The following ATRNL1 variants were observed in gnomAD, a reference collection of about 807,000 sequenced individuals.
The protein encoded by ATRNL1 is attractin-like protein 1.
Under a neutral mutation model 182.7 loss-of-function variants are expected in ATRNL1, and 95 were observed. That is an observed-to-expected ratio of 0.52 (90% confidence interval 0.44 to 0.62). ATRNL1 has a LOEUF of 0.62. ATRNL1 is among the 20% of genes least tolerant of loss of function. The pLI is 0.00. For missense variants in ATRNL1, 1,471 were observed against 1,679.5 expected (o/e 0.88, Z 2.17); for synonymous variants, 576 against 568.3 (o/e 1.01, Z -0.19).
At chr10:115,723,866 A>G in intron 26 of ATRNL1, among the ~76,000 whole-genome samples, 1 of 152,106 alleles carries the variant, frequency 6.6e-6, no homozygotes, top group East Asian at 1.9e-4. Context: ...TTTTCATATC[A>G]TTTTTAATTC....
intron 15 of ATRNL1, among the ~76,000 whole-genome samples, chr10:115,298,227 A>G (rs1481570119): frequency 6.6e-6 from 1 of 152,150 alleles, no homozygotes; most frequent in Non-Finnish European, 1.5e-5. Context: ...CTTTATAGAG[A>G]TATCTTGGGT....
chr10:115,933,645 G>C (rs1565498510), intron 28 of ATRNL1, among the ~76,000 whole-genome samples: 3 of 152,190 alleles, frequency 2.0e-5, no homozygotes, highest in Admixed American at 2.0e-4. Flanking sequence ...AATTTCTCAA[G>C]AGACATGCTG....
At chr10:115,552,447 G>T (rs1853046920) in intron 26 of ATRNL1, among the ~76,000 whole-genome samples, 1 of 151,300 alleles carries the variant, frequency 6.6e-6, no homozygotes, top group South Asian at 2.1e-4. Context: ...TACAGTAAAT[G>T]AAAGTTACTT....
intron 20 of ATRNL1, among the ~76,000 whole-genome samples, chr10:115,412,010 G>A (rs1401246824): frequency 6.6e-6 from 1 of 152,074 alleles, no homozygotes; most frequent in Non-Finnish European, 1.5e-5. Flanking sequence ...CAGGACCTGT[G>A]CTTGCTTCTA....
At chr10:115,225,300 G>C (rs1222768356) in intron 9 of ATRNL1, among the ~76,000 whole-genome samples, 2 of 151,466 alleles carry the variant, frequency 1.3e-5, no homozygotes, top group Non-Finnish European at 3.0e-5. Context: ...ACTAGGAATG[G>C]AAGCAAATCA....
At chr10:115,486,104 G>A (rs11197239) in intron 24 of ATRNL1, among the ~76,000 whole-genome samples, 8,808 of 151,958 alleles carry the variant, frequency 0.058, 404 homozygotes, top group East Asian at 0.15. Context: ...CATAGTATTC[G>A]ATGGTGTATA....
chr10:115,436,399 T>C (rs939018900), intron 21 of ATRNL1, among the ~76,000 whole-genome samples: 6 of 152,132 alleles, frequency 3.9e-5, no homozygotes, highest in Non-Finnish European at 7.4e-5. Flanking sequence ...TTTGTAAGAC[T>C]GAATGAATTT....
At chr10:115,561,150 C>A (rs1592853542) in intron 26 of ATRNL1, among the ~76,000 whole-genome samples, 2 of 152,048 alleles carry the variant, frequency 1.3e-5, no homozygotes, top group East Asian at 1.9e-4. Flanking sequence ...AATTGGAATT[C>A]ATTGAAATTA....
intron 28 of ATRNL1, among the ~76,000 whole-genome samples, chr10:115,931,820 G>A (rs1360014255): frequency 2.6e-5 from 4 of 152,158 alleles, no homozygotes; most frequent in Non-Finnish European, 5.9e-5. Context: ...TTAACAAGGG[G>A]CCCCTTCTGC....
At chr10:115,458,427 A>G (rs1565065727) in intron 21 of ATRNL1, among the ~76,000 whole-genome samples, 2 of 152,114 alleles carry the variant, frequency 1.3e-5, no homozygotes, top group Non-Finnish European at 2.9e-5. Flanking sequence ...AGACACTTGA[A>G]TTGATTAATA....
chr10:115,427,433 A>G (rs1457806933), intron 21 of ATRNL1, among the ~76,000 whole-genome samples: 2 of 152,018 alleles, frequency 1.3e-5, no homozygotes, highest in Admixed American at 6.6e-5. Context: ...TATTAACACT[A>G]TTTTCTTGAA....
At chr10:115,711,751 G>A (rs1364645196) in intron 26 of ATRNL1, among the ~76,000 whole-genome samples, 2 of 152,048 alleles carry the variant, frequency 1.3e-5, no homozygotes, top group South Asian at 2.1e-4. Flanking sequence ...ATCTGAAGCT[G>A]GAAATTTACC....
intron 8 of ATRNL1, among the ~76,000 whole-genome samples, chr10:115,189,995 A>G (rs868932818): frequency 6.6e-6 from 1 of 152,284 alleles, no homozygotes. Flanking sequence ...GTTGTGTTCT[A>G]ATTACCTACA....
At chr10:115,873,363 A>C (rs979249225) in intron 28 of ATRNL1, among the ~76,000 whole-genome samples, 2 of 152,148 alleles carry the variant, frequency 1.3e-5, no homozygotes, top group Admixed American at 6.5e-5. Flanking sequence ...TCCAAAAGTA[A>C]ATTTTAGTAG....
intron 28 of ATRNL1, among the ~76,000 whole-genome samples, chr10:115,867,701 T>G (rs1951469861): frequency 6.6e-6 from 1 of 151,754 alleles, no homozygotes; most frequent in Non-Finnish European, 1.5e-5. Context: ...TTATTTCCTT[T>G]TAGTGTTTGG....
intron 8 of ATRNL1, among the ~76,000 whole-genome samples, chr10:115,175,601 A>G (rs1367513641): frequency 6.6e-5 from 10 of 152,106 alleles, no homozygotes; most frequent in African/African-American, 2.4e-4. Flanking sequence ...GGAAGAATAC[A>G]TGATTGATGA....
intron 26 of ATRNL1, among the ~76,000 whole-genome samples, chr10:115,678,506 T>C (rs74158250): frequency 0.012 from 1,769 of 152,250 alleles, 33 homozygotes; most frequent in African/African-American, 0.04. Flanking sequence ...TATTACCACT[T>C]TGCTCATTAG....
chr10:115,761,618 A>G (rs1948736772), intron 27 of ATRNL1, among the ~76,000 whole-genome samples: 1 of 152,202 alleles, frequency 6.6e-6, no homozygotes, highest in Non-Finnish European at 1.5e-5. Flanking sequence ...GAAGGACAAA[A>G]TAACAGCACA....
intron 20 of ATRNL1, among the ~76,000 whole-genome samples, chr10:115,424,516 G>C (rs975933212): frequency 6.6e-6 from 1 of 152,126 alleles, no homozygotes; most frequent in Non-Finnish European, 1.5e-5. Context: ...CAGTAGCCAA[G>C]ATATGGAATC....
Sources: gnomAD v4.1 joint callset for allele counts (sites outside exome capture counted in the v4.1 genomes callset) on GRCh38, gnomAD v4.1.1 for gene constraint, MANE v1.5 for transcripts, NCBI Gene and HGNC (gene_info 2026-07-23, HGNC 2026-07-21) for gene names.